The following HDHD2 variants were observed in gnomAD, a reference collection of about 807,000 sequenced individuals.
HDHD2 encodes haloacid dehalogenase like hydrolase domain containing 2, also known as haloacid dehalogenase-like hydrolase domain-containing protein 2.
A neutral mutation model predicts 24.8 loss-of-function variants in HDHD2; 26 were observed. That is an observed-to-expected ratio of 1.05 (90% CI 0.77 to 1.45). HDHD2 has a LOEUF of 1.45. Among genes scored for constraint, HDHD2 ranks in the 40% most tolerant of loss-of-function variants. HDHD2 has a pLI of 0.00. For synonymous variants in HDHD2, 128 were observed against 114.9 expected, an observed-to-expected ratio of 1.11 and a Z score of -0.73; for missense variants, 299 against 313.4, an observed-to-expected ratio of 0.95 and a Z score of 0.35.
intron 6 of HDHD2, chr18:47,111,778 T>G: frequency 1.0e-5 from 10 of 985,272 alleles, no homozygotes; most frequent in Non-Finnish European, 1.2e-5. Flanking sequence ...CCATCTACAT[T>G]TCTTGTTTCT....
At chr18:47,150,280 G>T (rs1219275750) in intron 1 of HDHD2, 98 bp downstream of exon 1, 1 of 152,370 alleles carries the variant, frequency 6.6e-6, no homozygotes, top group African/African-American at 2.4e-5. Flanking sequence ...GGGGCGGCCT[G>T]GGGGCGCCAC....
At chr18:47,143,749 C>T (rs1287215444) in intron 1 of HDHD2, among the ~76,000 whole-genome samples, 1 of 152,146 alleles carries the variant, frequency 6.6e-6, no homozygotes, top group Non-Finnish European at 1.5e-5. Flanking sequence ...TCTCATTCAG[C>T]AGGCTTTATT....
At chr18:47,126,167 G>A (rs1568050464) in intron 4 of HDHD2, among the ~76,000 whole-genome samples, 2 of 152,132 alleles carry the variant, frequency 1.3e-5, no homozygotes, top group African/African-American at 2.4e-5. Flanking sequence ...ACACTGCATA[G>A]CAGTCAACCC....
intron 2 of HDHD2, among the ~76,000 whole-genome samples, chr18:47,135,258 CTTTTT>C (rs904719955): frequency 7.8e-6 from 1 of 128,328 alleles, no homozygotes. Context: ...TAGATTTTTT[CTTTTT>C]TTTTTTTTTT....
At chr18:47,110,193 G>C in intron 6 of HDHD2, 1 of 985,400 alleles carries the variant, frequency 1.0e-6, no homozygotes, top group Non-Finnish European at 1.2e-6. Flanking sequence ...CACAAAGCCT[G>C]AAAAACCCTC....
intron 1 of HDHD2, among the ~76,000 whole-genome samples, chr18:47,139,241 G>A (rs1385691809): frequency 2.0e-5 from 3 of 151,648 alleles, no homozygotes; most frequent in East Asian, 1.9e-4. Flanking sequence ...GGTGGATCAC[G>A]AGGTCAGGAG....
chr18:47,116,331 G>C (rs1001361268), intron 4 of HDHD2, among the ~76,000 whole-genome samples: 1 of 152,076 alleles, frequency 6.6e-6, no homozygotes, highest in Non-Finnish European at 1.5e-5. Context: ...CATCTACTTC[G>C]TTAAAATATT....
intron 4 of HDHD2, among the ~76,000 whole-genome samples, chr18:47,126,377 C>T (rs2063658040): frequency 6.6e-6 from 1 of 151,892 alleles, no homozygotes; most frequent in South Asian, 2.1e-4. Flanking sequence ...ATTTAATATA[C>T]CAGAGTAATT....
intron 4 of HDHD2, among the ~76,000 whole-genome samples, chr18:47,119,218 AC>A (rs2144300931): frequency 6.6e-6 from 1 of 152,306 alleles, no homozygotes; most frequent in South Asian, 2.1e-4. Context: ...AAATAAGACA[AC>A]AATGAAGCTT....
At chr18:47,132,569 TTC>T (rs1317537417) in intron 3 of HDHD2, among the ~76,000 whole-genome samples, 3 of 152,246 alleles carry the variant, frequency 2.0e-5, no homozygotes, top group Non-Finnish European at 2.9e-5. Flanking sequence ...TAAATTTATT[TTC>T]TGTTTAATTC....
At chr18:47,135,961 A>G (rs897899436) in intron 2 of HDHD2, among the ~76,000 whole-genome samples, 3 of 152,232 alleles carry the variant, frequency 2.0e-5, no homozygotes, top group African/African-American at 7.2e-5. Context: ...TAGGTAAAAC[A>G]AGAAAGAGCA....
At chr18:47,115,063 A>T in intron 5 of HDHD2, 69 bp downstream of exon 5, 3 of 1,045,534 alleles carry the variant, frequency 2.9e-6, no homozygotes, top group Non-Finnish European at 4.4e-6. Flanking sequence ...TTCCTAAAGC[A>T]GTGTTTCTAA....
intron 3 of HDHD2, among the ~76,000 whole-genome samples, chr18:47,131,675 T>C (rs971569404): frequency 2.0e-5 from 3 of 152,354 alleles, no homozygotes; most frequent in South Asian, 2.1e-4. Context: ...TGATTTTTAT[T>C]ATTGCATCTC....
At chr18:47,115,987 G>T (rs1453191801) in intron 4 of HDHD2, among the ~76,000 whole-genome samples, 1 of 152,024 alleles carries the variant, frequency 6.6e-6, no homozygotes, top group Non-Finnish European at 1.5e-5. Context: ...CCCTTCCTTT[G>T]TCCTGATACA....
intron 6 of HDHD2, chr18:47,111,215 C>T (rs1238526059): frequency 1.0e-6 from 1 of 985,204 alleles, no homozygotes. Context: ...TTCTCAGAGA[C>T]TAAACTGATG....
At chr18:47,133,309 T>C (rs2063731445) in intron 3 of HDHD2, among the ~76,000 whole-genome samples, 1 of 152,082 alleles carries the variant, frequency 6.6e-6, no homozygotes, top group African/African-American at 2.4e-5. Context: ...TCCATGTCCC[T>C]ACAAAGGACA....
intron 1 of HDHD2, among the ~76,000 whole-genome samples, chr18:47,141,757 T>C (rs1288295552): frequency 6.6e-6 from 1 of 152,254 alleles, no homozygotes; most frequent in Admixed American, 6.5e-5. Flanking sequence ...TGGAACTACA[T>C]GATGCTCCAG....
At chr18:47,134,282 T>C (rs1304759798) in intron 3 of HDHD2, 15 of 574,294 alleles carry the variant, frequency 2.6e-5, no homozygotes, top group Non-Finnish European at 4.0e-5. Flanking sequence ...CATATAGATA[T>C]GTATTAGGTT....
intron 6 of HDHD2, among the ~76,000 whole-genome samples, chr18:47,112,671 C>T (rs1348070312): frequency 6.6e-6 from 1 of 152,184 alleles, no homozygotes; most frequent in African/African-American, 2.4e-5. Context: ...CACCACCATC[C>T]ATGGTCCTTT....
Sources: allele counts gnomAD v4.1 joint callset (sites outside exome capture counted in the v4.1 genomes callset), GRCh38; gene constraint gnomAD v4.1.1; transcripts MANE v1.5; gene names NCBI Gene and HGNC (gene_info 2026-07-23, HGNC 2026-07-21).